The following HEY1 variants were observed in gnomAD, a reference collection of about 807,000 sequenced individuals.
HEY1 encodes hairy/enhancer-of-split related with YRPW motif protein 1.
HEY1 carries 9 observed loss-of-function variants against 28.7 expected under a neutral mutation model. The observed-to-expected ratio is 0.31, with a 90% CI of 0.19 to 0.55. The LOEUF is 0.55. Ranked by LOEUF, HEY1 falls within the 20% of genes least tolerant of loss-of-function variation. The probability of loss-of-function intolerance (pLI) is 0.93; values close to 1 mark genes in which losing one functional copy is unlikely to be tolerated. For missense variants in HEY1, 385 were observed against 399.4 expected (o/e 0.96, Z 0.31); for synonymous variants, 213 against 175.6 (o/e 1.21, Z -1.68).
chr8:79,767,597 T>G lies in HEY1; in HGVS notation c.67A>C (p.Lys23Gln). Reference protein sequence around the residue: ...SELDETIEVEKESADENGNLS... With the variant: ...SELDETIEVEQESADENGNLS... ...CACCCATTCTCGTCCGCACTCTCCT[T>G]CTCCACCTCGATGGTCTCGTCCAGC... The change falls in exon 1 of 5, where the codon AAG becomes CAG. Residue 23 changes from lysine (K) to glutamine (Q), a missense_variant. By Grantham distance (53) the Lys-to-Gln change is moderately conservative. Coordinates refer to ENST00000354724, the MANE Select transcript of HEY1 (RefSeq NM_012258.4). 3 of 1,610,340 alleles carry G rather than the reference T, an allele frequency of 1.9e-6. No individual in the cohort carries two copies. Among genetic ancestry groups the G allele is most frequent in the Non-Finnish European group, 2.5e-6 (3 of 1,178,798 alleles).
At position 79,767,717 on chromosome 8, in the gene HEY1, T is replaced by A; in HGVS notation, c.-54A>T. The A allele has an allele frequency of 7.5e-7, 1 of 1,335,904 alleles. No homozygotes were observed. The highest frequency in any genetic ancestry group is 1.0e-6 in the Non-Finnish European group (1 of 958,958). The allele number at this position is 1,335,904 out of a possible 1,614,324, so 82.8% of individuals were successfully genotyped here. On this transcript the variant is annotated 5_prime_UTR_variant, in exon 1 of 5. Coordinates refer to ENST00000354724, the MANE Select transcript of HEY1 (RefSeq NM_012258.4). ...GTCGGCGCGGCGGGCAGGGAGGAGTTAACTACAGCGGCGCCTCTCCGCTCT... is the reference window on the plus strand; with the variant it reads ...GTCGGCGCGGCGGGCAGGGAGGAGTAAACTACAGCGGCGCCTCTCCGCTCT...
At chr8:79,767,401 A>C in intron 1 of HEY1, 107 bp from the exon 2 acceptor site, 1 of 1,199,316 alleles carries the variant, frequency 8.3e-7, no homozygotes, top group Non-Finnish European at 1.2e-6. Flanking sequence ...TTTTTTTGCC[A>C]CTTGGGCTGG....
chr8:79,765,551 G>T lies in HEY1; in HGVS notation c.552C>A (p.Phe184Leu). The T allele has an allele frequency of 6.2e-7, 1 of 1,614,028 alleles. No homozygotes were observed. The stretch of plus-strand genomic sequence containing the variant: ...GGTGCGCGATGTGCGGGTGATGTCC[G>T]AAGACGGTCCCCCAGGGAATGTGTC... The part of the protein sequence containing the change: ...GLGHIPWGTV[F>L]GHHPHIAHPL... The change falls in exon 5 of 5, where the codon TTC becomes TTA. Residue 184 changes from phenylalanine to leucine, a missense_variant. By Grantham distance (22) the Phe-to-Leu change is conservative (BLOSUM62 0). Transcript: ENST00000354724.
intron 3 of HEY1, 122 bp downstream of exon 3, chr8:79,766,887 G>T: frequency 8.4e-7 from 1 of 1,189,610 alleles, no homozygotes; most frequent in Non-Finnish European, 1.2e-6. Context: ...GCTGGTATCT[G>T]TGTACGAATT....
chr8:79,767,637 G>A lies in HEY1; in HGVS notation c.27C>T (p.Ser9=). 6.2e-7 allele frequency: 1 copy of A among 1,608,110 alleles called. No homozygotes were observed. The change falls in exon 1 of 5, where the codon AGC becomes AGT. Residue 9 remains serine, a synonymous_variant. Transcript: ENST00000354724. MKRAHPEY[S]SSDSELDETI... Reference sequence around the variant, plus strand: ...TCTCGTCCAGCTCGCTGTCCGAGGAGCTGTACTCGGGGTGAGCTCGCTTCA... The same window carrying A: ...TCTCGTCCAGCTCGCTGTCCGAGGAACTGTACTCGGGGTGAGCTCGCTTCA...
chr8:79,767,169 A>G (rs1207525705), intron 2 of HEY1, 50 bp downstream of exon 2: 10 of 1,589,560 alleles, frequency 6.3e-6, no homozygotes, highest in Non-Finnish European at 8.6e-6. Flanking sequence ...AAAGGTGGTT[A>G]TTTCCGTTAA....
rs991541586 is a variant in HEY1, at chr8:79,764,878, C to A, written c.*310G>T. 2.3e-5 allele frequency: 6 copies of A among 261,940 alleles called. No homozygotes were observed. The highest frequency in any genetic ancestry group is 1.1e-3 in the Middle Eastern group (1 of 920). The allele number at this position is 261,940 out of a possible 1,614,324, so 16.2% of individuals were successfully genotyped here. A position where few individuals can be genotyped will look rare whatever the true frequency, so the allele number is the denominator to read the frequency against. ...ATTTTGAGGCAAAAACGGAATCATTCTGGTTTACAAAGTAAATTAGGCACA... is the reference window on the plus strand; with the variant it reads ...ATTTTGAGGCAAAAACGGAATCATTATGGTTTACAAAGTAAATTAGGCACA... On this transcript the variant is annotated 3_prime_UTR_variant, in exon 5 of 5. Coordinates refer to ENST00000354724, the MANE Select transcript of HEY1 (RefSeq NM_012258.4).
In HEY1 at chr8:79,765,504, C is replaced by A. The variant is rs772286833; in HGVS notation, c.599G>T (p.Gly200Val). The A allele has an allele frequency of 6.2e-7, 1 of 1,613,642 alleles. No homozygotes were observed. The part of the protein sequence containing the change: ...IAHPLLLPQN[G>V]HGNAGTTASP... ...GGCCGTGGTGCCCGCGTTCCCGTGG[C>A]CGTTCTGGGGCAGCAACAGCGGGTG... is the stretch of plus-strand genomic sequence containing the variant. The change falls in exon 5 of 5, where the codon GGC becomes GTC. Residue 200 changes from glycine to valine, a missense_variant. Gly to Val is a moderately radical substitution (Grantham distance 109). This residue lies in a region of HEY1 where 223 missense variants were observed against 215.9 expected (regional missense o/e 1.03). Transcript: ENST00000354724.
intron 4 of HEY1, chr8:79,766,325 A>G: frequency 6.6e-7 from 1 of 1,507,318 alleles, no homozygotes; most frequent in Non-Finnish European, 8.8e-7. Context: ...TTGTTTTTAA[A>G]TGCTTTTTCT....
At position 79,765,138 on chromosome 8, in the gene HEY1, A is replaced by G; in HGVS notation, c.*50T>C. On this transcript the variant is annotated 3_prime_UTR_variant, in exon 5 of 5. Coordinates refer to ENST00000354724, the MANE Select transcript of HEY1 (RefSeq NM_012258.4). ...TTTAAGGTGATGTTGGCAACAGTCC[A>G]GCCCAGCTGGGATTTTAAACTTTCC... 7.5e-7 allele frequency: 1 copy of G among 1,331,752 alleles called. No homozygotes were observed. Among genetic ancestry groups the G allele is most frequent in the Non-Finnish European group, 1.0e-6 (1 of 977,172 alleles). 82.5% of individuals were successfully genotyped at this position (1,331,752 alleles called of 1,614,324 possible).
In HEY1 at chr8:79,767,558, C is replaced by T. The variant is rs1585961541; in HGVS notation, c.89+17G>A. 1 of 1,589,508 alleles carries T rather than the reference C, an allele frequency of 6.3e-7. No individual in the cohort carries two copies. The highest frequency in any genetic ancestry group is 8.6e-7 in the Non-Finnish European group (1 of 1,168,874). On this transcript the variant is annotated intron_variant, in intron 1 of 4. Coordinates refer to ENST00000354724, the MANE Select transcript of HEY1 (RefSeq NM_012258.4). ...CTCCCGCTCTGGCTCGGCTCCGCTC[C>T]GCCGCCGCCAGCTCACCCATTCTCG...
chr8:79,765,999 T>C lies in HEY1; in HGVS notation c.332-228A>G, dbSNP rs144784677. On this transcript the variant is annotated intron_variant, in intron 4 of 4. Transcript: ENST00000354724. ...CCAATTAGAAGCTGCAGAGCAGAAA[T>C]TGGAATTATACCCTACCAGCAGATG... Among the ~76,000 whole-genome samples, 22 of 152,340 alleles carry C rather than the reference T, an allele frequency of 1.4e-4. No homozygotes were observed. The East Asian group carries it at 4.2e-3, about 29-fold the overall frequency.
rs1016634982 is a variant in HEY1, at chr8:79,764,690, C to A, written c.*498G>T. On this transcript the variant is annotated 3_prime_UTR_variant, in exon 5 of 5. Transcript: ENST00000354724. The stretch of plus-strand genomic sequence containing the variant: ...AAAATTCAATATAGTTCCCCTCCCC[C>A]CAAAAGAATATTATTTATACAACAC... 10 of 221,624 alleles carry A rather than the reference C, an allele frequency of 4.5e-5. No homozygotes were observed. In the East Asian group the frequency reaches 6.7e-4, roughly 15 times the overall value. The allele number at this position is 221,624 out of a possible 1,614,324, so 13.7% of individuals were successfully genotyped here. A position where few individuals can be genotyped will look rare whatever the true frequency, so the allele number is the denominator to read the frequency against.
chr8:79,765,095 T>C lies in HEY1; in HGVS notation c.*93A>G. 1 of 813,234 alleles carries C rather than the reference T, an allele frequency of 1.2e-6. No homozygotes were observed. The highest frequency in any genetic ancestry group is 1.8e-6 in the Non-Finnish European group (1 of 554,854). The allele number at this position is 813,234 out of a possible 1,614,324, so 50.4% of individuals were successfully genotyped here. ...TATCTGAAAGTGTACCTTTTTCCTT[T>C]TTACTTTTACTGACGACTTTAAGGT... is the stretch of plus-strand genomic sequence containing the variant. On this transcript the variant is annotated 3_prime_UTR_variant, in exon 5 of 5. Coordinates refer to ENST00000354724, the MANE Select transcript of HEY1 (RefSeq NM_012258.4).
chr8:79,766,245 T>C, intron 4 of HEY1: 1 of 1,532,684 alleles, frequency 6.5e-7, no homozygotes, highest in Non-Finnish European at 8.7e-7. Context: ...CAGAATACAT[T>C]TCTTTCCTCA....
intron 4 of HEY1, chr8:79,766,381 G>A: frequency 6.9e-7 from 1 of 1,458,876 alleles, no homozygotes; most frequent in Non-Finnish European, 9.0e-7. Flanking sequence ...TCTGAATCAG[G>A]GCTGTCACAA....
intron 4 of HEY1, chr8:79,766,289 C>T (rs550020412): frequency 6.4e-4 from 976 of 1,519,280 alleles, no homozygotes; most frequent in Non-Finnish European, 7.9e-4. Flanking sequence ...TTTTAAAATC[C>T]CGTATACCAA....
Position 79,767,682 on chromosome 8 carries a change from C to G in HEY1, c.-19G>C, listed in dbSNP as rs200579034. On this transcript the variant is annotated 5_prime_UTR_variant, in exon 1 of 5. Coordinates refer to ENST00000354724, the MANE Select transcript of HEY1 (RefSeq NM_012258.4). ...GCTTCATGCTGGCTCCCTGGGGGTT[C>G]CTGGGGAGGGTCGGCGCGGCGGGCA... 1 of 1,576,994 alleles carries G rather than the reference C, an allele frequency of 6.3e-7. No homozygotes were observed. The highest frequency in any genetic ancestry group is 2.4e-5 in the East Asian group (1 of 42,358).
intron 1 of HEY1, 49 bp from the exon 2 acceptor site, chr8:79,767,343 G>C: frequency 6.5e-7 from 1 of 1,532,794 alleles, no homozygotes; most frequent in African/African-American, 1.4e-5. Context: ...CGTTAAACGA[G>C]GAGAGGTGAT....
Sources: allele counts gnomAD v4.1 joint callset (sites outside exome capture counted in the v4.1 genomes callset), GRCh38; gene constraint gnomAD v4.1.1; regional missense constraint gnomAD v4.1.1; transcripts MANE v1.5; gene names NCBI Gene and HGNC (gene_info 2026-07-23, HGNC 2026-07-21).